Variants in SLC14A2 observed in about 807,000 individuals in gnomAD.
SLC14A2 encodes the protein solute carrier family 14 member 2.
A neutral mutation model predicts 104.6 loss-of-function variants in SLC14A2; 91 were observed. That is an observed-to-expected ratio of 0.87 (90% CI 0.73 to 1.04). SLC14A2 has a LOEUF of 1.04. SLC14A2 is among the 50% of genes least tolerant of loss of function. The pLI is 0.00. For missense variants in SLC14A2, 1,189 were observed against 1,156.0 expected (o/e 1.03, Z -0.41); for synonymous variants, 476 against 466.4 (o/e 1.02, Z -0.27).
chr18:45,330,230 G>A (rs1368191417), intron 1 of SLC14A2, among the ~76,000 whole-genome samples: 3 of 152,278 alleles, frequency 2.0e-5, no homozygotes, highest in South Asian at 2.1e-4. Context: ...TGAGACCAGA[G>A]CCATGACTGT....
rs974098216 is a variant in SLC14A2, at chr18:45,381,119, C to T, written c.-124-102114C>T. 5.3e-5 allele frequency among the ~76,000 whole-genome samples: 8 copies of T among 152,176 alleles called. No individual in the cohort carries two copies. In the South Asian group the frequency reaches 1.4e-3, roughly 28 times the overall value. On this transcript the variant is annotated intron_variant, in intron 1 of 20. Transcript: ENST00000586448. ...GTCCTCCAAGGAAGCTGTTCTTGAA[C>T]CTTTCTGATAAACCTCTTCACAGAT...
intron 2 of SLC14A2, among the ~76,000 whole-genome samples, chr18:45,538,335 C>T (rs2043827814): frequency 6.6e-6 from 1 of 152,222 alleles, no homozygotes; most frequent in African/African-American, 2.4e-5. Context: ...ATTCCAATGG[C>T]TTTGGGATCT....
At position 45,683,238 on chromosome 18, in the gene SLC14A2, G is replaced by C. The variant is rs2046339693; in HGVS notation, c.*719G>C. On this transcript the variant is annotated 3_prime_UTR_variant, in exon 20 of 20. Transcript: ENST00000255226. ...AGGCAAGAGGGTTGGTTCTGCCCCAGCTCTGCTGCTAATGAGCCCCTACCA... is the reference window on the plus strand; with the variant it reads ...AGGCAAGAGGGTTGGTTCTGCCCCACCTCTGCTGCTAATGAGCCCCTACCA... 6.6e-6 allele frequency: 1 copy of C among 152,172 alleles called. No homozygotes were observed. The highest frequency in any genetic ancestry group is 1.5e-5 in the Non-Finnish European group (1 of 68,068). 9.4% of individuals were successfully genotyped at this position (152,172 alleles called of 1,614,324 possible).
intron 2 of SLC14A2, among the ~76,000 whole-genome samples, chr18:45,553,801 G>A (rs2044089200): frequency 1.3e-5 from 2 of 152,138 alleles, no homozygotes; most frequent in African/African-American, 2.4e-5. Context: ...TCTATAGCTA[G>A]AACATAACAT....
At position 45,644,159 on chromosome 18, in the gene SLC14A2, C is replaced by A. The variant is rs140835811; in HGVS notation, c.1350C>A (p.Ser450Arg). Residue 450 changes from serine to arginine, a missense_variant and splice_region_variant, in exon 10 of 20, where the codon AGC (serine) becomes AGA (arginine). Ser to Arg is a moderately radical substitution (Grantham distance 110). Transcript: ENST00000255226. ...VKSGEEEKAP[S>R]GGGGEHPPTA... ...GCGGTGAAGAAGAGAAGGCCCCCAG[C>A]GGTGAATAGCCATGTTCGGGGAAGA... 4 of 1,613,954 alleles carry A rather than the reference C, an allele frequency of 2.5e-6. No homozygotes were observed. Among genetic ancestry groups the A allele is most frequent in the South Asian group, 2.2e-5 (2 of 91,072 alleles).
intron 2 of SLC14A2, among the ~76,000 whole-genome samples, chr18:45,592,481 C>A (rs140067951): frequency 4.9e-4 from 75 of 152,292 alleles, no homozygotes; most frequent in Non-Finnish European, 9.1e-4. Context: ...TTCCCAGTCC[C>A]ATCTTGGGAA....
At chr18:45,524,712 G>A (rs972902176) in intron 2 of SLC14A2, among the ~76,000 whole-genome samples, 8 of 152,188 alleles carry the variant, frequency 5.3e-5, no homozygotes, top group Non-Finnish European at 8.8e-5. Flanking sequence ...ACACAGGACC[G>A]TATACGAAAA....
intron 1 of SLC14A2, among the ~76,000 whole-genome samples, chr18:45,481,293 T>G (rs2087488538): frequency 6.6e-6 from 1 of 152,176 alleles, no homozygotes. Context: ...TTTATGGCAA[T>G]GACTTCAGGT....
intron 1 of SLC14A2, among the ~76,000 whole-genome samples, chr18:45,388,901 A>G (rs2085930716): frequency 6.6e-6 from 1 of 152,248 alleles, no homozygotes; most frequent in Admixed American, 6.5e-5. Flanking sequence ...AAGAAGGCAC[A>G]TTGATGGGCT....
At chr18:45,286,682 T>C (rs1324932700) in intron 1 of SLC14A2, among the ~76,000 whole-genome samples, 1 of 152,000 alleles carries the variant, frequency 6.6e-6, no homozygotes, top group Non-Finnish European at 1.5e-5. Flanking sequence ...TTTTAATGCA[T>C]GCATAACACA....
chr18:45,403,252 T>C (rs1458542539), intron 1 of SLC14A2, among the ~76,000 whole-genome samples: 1 of 152,156 alleles, frequency 6.6e-6, no homozygotes, highest in African/African-American at 2.4e-5. Context: ...CCTATCAGAT[T>C]AGGGGTCCAC....
At chr18:45,433,365 G>A (rs146728996) in intron 1 of SLC14A2, among the ~76,000 whole-genome samples, 72 of 152,252 alleles carry the variant, frequency 4.7e-4, no homozygotes, top group East Asian at 3.3e-3. Context: ...GCTTGCCTAC[G>A]TCCACTCTTC....
intron 1 of SLC14A2, among the ~76,000 whole-genome samples, chr18:45,255,848 C>T (rs1172722379): frequency 6.6e-6 from 1 of 152,188 alleles, no homozygotes; most frequent in African/African-American, 2.4e-5. Context: ...GTGTCCTTGG[C>T]AGAGTTTTGT....
At chr18:45,642,585 T>C (rs1234421619) in intron 8 of SLC14A2, among the ~76,000 whole-genome samples, 1 of 152,236 alleles carries the variant, frequency 6.6e-6, no homozygotes, top group Non-Finnish European at 1.5e-5. Flanking sequence ...CGAGCTTTCC[T>C]GACTGTCCTC....
At chr18:45,364,179 T>C (rs565889324) in intron 1 of SLC14A2, among the ~76,000 whole-genome samples, 7 of 152,316 alleles carry the variant, frequency 4.6e-5, no homozygotes, top group African/African-American at 1.7e-4. Flanking sequence ...TTTTTGGACA[T>C]TTTATTCCCT....
intron 2 of SLC14A2, among the ~76,000 whole-genome samples, chr18:45,584,873 G>A (rs376712950): frequency 4.6e-5 from 7 of 152,316 alleles, no homozygotes; most frequent in African/African-American, 7.2e-5. Context: ...TGCTGGAATC[G>A]GAATCTTGAG....
intron 2 of SLC14A2, among the ~76,000 whole-genome samples, chr18:45,516,754 G>A (rs965735349): frequency 6.6e-6 from 1 of 152,196 alleles, no homozygotes; most frequent in African/African-American, 2.4e-5. Flanking sequence ...TGTATCTGAT[G>A]CTATAAGTAA....
rs1177943106 is a variant in SLC14A2 at position 45,438,726 on chromosome 18, A to T, written c.-124-44507A>T. On this transcript the variant is annotated intron_variant, in intron 1 of 20. Coordinates refer to the SLC14A2 transcript ENST00000586448. ...CCTAATGATCTAGCAAGAAAGTTGA[A>T]ATTAAAGCCTTATCTATATCTATGA... Among the ~76,000 whole-genome samples the T allele has an allele frequency of 2.0e-5, 3 of 152,216 alleles. No homozygotes were observed. In the East Asian group the frequency reaches 5.8e-4, roughly 29 times the overall value.
intron 1 of SLC14A2, among the ~76,000 whole-genome samples, chr18:45,425,321 A>G (rs1388249583): frequency 3.3e-5 from 5 of 152,208 alleles, no homozygotes; most frequent in Admixed American, 6.5e-5. Context: ...TGGCATGGCT[A>G]TAACAACATT....
Sources: allele counts gnomAD v4.1 joint callset (sites outside exome capture counted in the v4.1 genomes callset), GRCh38; gene constraint gnomAD v4.1.1; transcripts MANE v1.5; gene names NCBI Gene and HGNC (gene_info 2026-07-23, HGNC 2026-07-21).